KLHDC4: variants seen among roughly 807,000 people sequenced by gnomAD.
KLHDC4 encodes the protein kelch domain-containing protein 4.
Under a neutral mutation model 62.4 loss-of-function variants are expected in KLHDC4, and 90 were observed. The observed-to-expected ratio is 1.44, with a 90% CI of 1.22 to 1.72. The LOEUF (loss-of-function observed/expected upper bound fraction) is 1.72. Ranked by LOEUF, KLHDC4 falls within the 40% of genes most tolerant of loss-of-function variation. The pLI, the probability that KLHDC4 is intolerant of heterozygous loss-of-function variation, is 0.00. For synonymous variants in KLHDC4, 386 were observed against 284.4 expected (o/e 1.36, Z -3.59); for missense variants, 1,025 against 699.7 (o/e 1.47, Z -5.25).
Position 87,715,601 on chromosome 16 carries a change from G to A in KLHDC4, c.760-1028C>T, listed in dbSNP as rs1195176996. Among the ~76,000 whole-genome samples the A allele has an allele frequency of 2.6e-5, 4 of 152,138 alleles. No homozygotes were observed. In the East Asian group the frequency reaches 5.8e-4, roughly 22 times the overall value. ...CATGATAGCTGTGTGGATGGCTCAGGAGTTTTATAGAGTGCCCCTCTACTG... is the reference window on the plus strand; with the variant it reads ...CATGATAGCTGTGTGGATGGCTCAGAAGTTTTATAGAGTGCCCCTCTACTG... On this transcript the variant is annotated intron_variant, in intron 7 of 11. Coordinates refer to ENST00000270583, the MANE Select transcript of KLHDC4 (RefSeq NM_017566.4).
At chr16:87,717,746 A>AGC (rs1192857994) in intron 7 of KLHDC4, among the ~76,000 whole-genome samples, 2,144 of 152,306 alleles carry the variant, frequency 0.014, 49 homozygotes, top group African/African-American at 0.048. Flanking sequence ...CTGGGGGGAC[A>AGC]AGGAAGGAAT....
At chr16:87,755,455 G>T (rs1285029756) in intron 3 of KLHDC4, 163 bp from the exon 4 acceptor site, 1 of 509,056 alleles carries the variant, frequency 2.0e-6, no homozygotes. Flanking sequence ...GGGCCATTGG[G>T]GATGACGACA....
exon 1 of KLHDC4, chr16:87,699,865 G>A (rs769429800): frequency 6.6e-6 from 1 of 152,278 alleles, no homozygotes; most frequent in Non-Finnish European, 1.5e-5. Flanking sequence ...TGGCCACCGC[G>A]TCTCACGGAG....
At chr16:87,754,978 T>G (rs1473191422) in intron 4 of KLHDC4, among the ~76,000 whole-genome samples, 1 of 152,164 alleles carries the variant, frequency 6.6e-6, no homozygotes, top group Non-Finnish European at 1.5e-5. Flanking sequence ...GAATATTTCA[T>G]GTGATCCTCA....
rs1280936589 is a variant in KLHDC4, at chr16:87,765,855, G to C, written c.36C>G (p.Arg12=). 2 of 1,553,554 alleles carry C rather than the reference G, an allele frequency of 1.3e-6. No individual in the cohort carries two copies. The highest frequency in any genetic ancestry group is 8.7e-7 in the Non-Finnish European group (1 of 1,147,950). ...GKKGKKEKKG[R]GAEKTAAKME... is the part of the protein sequence containing the mutation. ...TCTTGGCGGCCGTCTTCTCCGCGCC[G>C]CGGCCCTTCTTCTCCTTCTTGCCCT... Residue 12 remains arginine, a synonymous_variant, in exon 1 of 12, where the codon CGC becomes CGG. Transcript: ENST00000270583.
At position 87,710,133 on chromosome 16, in the gene KLHDC4, C is replaced by T. The variant is rs529658927; in HGVS notation, c.1045-466G>A. On this transcript the variant is annotated intron_variant, in intron 9 of 11. Coordinates refer to ENST00000270583, the MANE Select transcript of KLHDC4 (RefSeq NM_017566.4). ...GCCCACAAGCCCAGCTCATTTACTA[C>T]AAACGGCGAGCCAGAGAGGGGCCCT... 7.9e-5 allele frequency: 13 copies of T among 163,784 alleles called. No individual in the cohort carries two copies. In the South Asian group the frequency reaches 2.1e-3, roughly 27 times the overall value. 10.1% of individuals were successfully genotyped at this position (163,784 alleles called of 1,614,324 possible). A position where few individuals can be genotyped will look rare whatever the true frequency, so the allele number is the denominator to read the frequency against.
At chr16:87,705,718 G>A (rs902632812), downstream of KLHDC4, among the ~76,000 whole-genome samples, 4 of 152,244 alleles carry the variant, frequency 2.6e-5, no homozygotes, top group East Asian at 1.9e-4. Flanking sequence ...GAGCAGGAGG[G>A]AAGAAAGAAC....
intron 5 of KLHDC4, among the ~76,000 whole-genome samples, chr16:87,738,199 C>G (rs2041668796): frequency 1.3e-5 from 2 of 152,174 alleles, no homozygotes; most frequent in African/African-American, 4.8e-5. Flanking sequence ...TCGTTGCGGT[C>G]CTTCACTACA....
At chr16:87,712,800 G>A (rs2036162194) in intron 8 of KLHDC4, among the ~76,000 whole-genome samples, 1 of 152,230 alleles carries the variant, frequency 6.6e-6, no homozygotes, top group Admixed American at 6.5e-5. Flanking sequence ...CCCCTCTCCT[G>A]GGGAGGCTGG....
rs921303571 is a variant in KLHDC4, at chr16:87,765,953, G to A, written c.-63C>T. 1 of 1,478,962 alleles carries A rather than the reference G, an allele frequency of 6.8e-7. No individual in the cohort carries two copies. The highest frequency in any genetic ancestry group is 9.2e-7 in the Non-Finnish European group (1 of 1,086,696). 91.6% of individuals were successfully genotyped at this position (1,478,962 alleles called of 1,614,324 possible). A position where few individuals can be genotyped will look rare whatever the true frequency, so the allele number is the denominator to read the frequency against. ...GAAAACGGCCCGCGCTCTCCGCTCG[G>A]AAACAGGTGCTCGTGGGGCGGAGCT... On this transcript the variant is annotated 5_prime_UTR_variant, in exon 1 of 12. Coordinates refer to ENST00000270583, the MANE Select transcript of KLHDC4 (RefSeq NM_017566.4).
At chr16:87,702,161 T>C (rs890153379) in exon 1 of KLHDC4, 6 of 455,634 alleles carry the variant, frequency 1.3e-5, no homozygotes, top group East Asian at 7.0e-5. Context: ...CCAGCAGATA[T>C]GGGTTCAACG....
intron 1 of KLHDC4, among the ~76,000 whole-genome samples, chr16:87,764,331 G>A (rs1480196723): frequency 6.6e-6 from 1 of 152,100 alleles, no homozygotes. Flanking sequence ...GGGTACTGGA[G>A]GGAGACATGG....
downstream of KLHDC4, among the ~76,000 whole-genome samples, chr16:87,703,789 C>T (rs551714916): frequency 5.3e-4 from 81 of 152,316 alleles, no homozygotes; most frequent in African/African-American, 1.3e-3. Context: ...TGTCAGCTTC[C>T]GGCAGGGACT....
At chr16:87,762,430 A>C (rs2046024834) in intron 1 of KLHDC4, among the ~76,000 whole-genome samples, 1 of 152,018 alleles carries the variant, frequency 6.6e-6, no homozygotes, top group Non-Finnish European at 1.5e-5. Context: ...ACTTCCACTT[A>C]GACAAGCCCA....
At chr16:87,765,716 C>A (rs961916212) in intron 1 of KLHDC4, 76 bp downstream of exon 1, 33 of 1,414,412 alleles carry the variant, frequency 2.3e-5, no homozygotes, top group Non-Finnish European at 3.1e-5. Context: ...GACCCGTAAC[C>A]CCGGGGGGCG....
intron 1 of KLHDC4, among the ~76,000 whole-genome samples, chr16:87,763,039 T>A (rs926168743): frequency 2.6e-5 from 4 of 152,146 alleles, no homozygotes; most frequent in African/African-American, 9.7e-5. Flanking sequence ...CTACCTCTCA[T>A]CTCAGGGTGA....
downstream of KLHDC4, among the ~76,000 whole-genome samples, chr16:87,707,420 C>T (rs1396001546): frequency 6.6e-6 from 1 of 152,206 alleles, no homozygotes; most frequent in East Asian, 1.9e-4. Context: ...CGGCAGGTGG[C>T]TCCCAGGAGT....
intron 7 of KLHDC4, among the ~76,000 whole-genome samples, chr16:87,725,722 G>A (rs543292244): frequency 3.2e-4 from 49 of 152,218 alleles, no homozygotes; most frequent in African/African-American, 1.1e-3. Flanking sequence ...TGAAGCACAC[G>A]CCCCACGAGC....
chr16:87,762,152 T>C, intron 1 of KLHDC4, 112 bp from the exon 2 acceptor site: 1 of 1,530,008 alleles, frequency 6.5e-7, no homozygotes, highest in East Asian at 2.3e-5. Flanking sequence ...CAGTCACATC[T>C]GTGAATTGCA....
Sources: gnomAD v4.1 joint callset for allele counts (sites outside exome capture counted in the v4.1 genomes callset) on GRCh38, gnomAD v4.1.1 for gene constraint, MANE v1.5 for transcripts, NCBI Gene and HGNC (gene_info 2026-07-23, HGNC 2026-07-21) for gene names.